Variants in ADGRV1 observed in about 807,000 individuals in gnomAD.
ADGRV1 encodes the protein G-protein coupled receptor 98.
Under a neutral mutation model 596.2 loss-of-function variants are expected in ADGRV1, and 359 were observed. That is an observed-to-expected ratio of 0.60 (90% CI 0.55 to 0.66). The LOEUF (loss-of-function observed/expected upper bound fraction) is 0.66. Ranked by LOEUF, ADGRV1 falls within the 30% of genes least tolerant of loss-of-function variation. The pLI, the probability that ADGRV1 is intolerant of heterozygous loss-of-function variation, is 0.00. For missense variants in ADGRV1, 7,274 were observed against 7,575.6 expected, an observed-to-expected ratio of 0.96 and a Z score of 1.48; for synonymous variants, 2,681 against 2,679.2, an observed-to-expected ratio of 1.00 and a Z score of -0.02.
intron 34 of ADGRV1, among the ~76,000 whole-genome samples, chr5:90,701,726 T>A (rs1304030257): frequency 6.6e-6 from 1 of 151,956 alleles, no homozygotes; most frequent in African/African-American, 2.4e-5. Context: ...ACTTTTAGTG[T>A]TTTTACATGT....
intron 35 of ADGRV1, 78 bp from the exon 36 acceptor site, chr5:90,704,311 A>G: frequency 1.2e-6 from 1 of 858,286 alleles, no homozygotes; most frequent in Non-Finnish European, 1.8e-6. Context: ...CACAATTTAT[A>G]AGGTGAATAA....
At chr5:90,606,037 T>C (rs779901710) in intron 1 of ADGRV1, among the ~76,000 whole-genome samples, 2 of 152,222 alleles carry the variant, frequency 1.3e-5, no homozygotes, top group Non-Finnish European at 2.9e-5. Context: ...TAAACAATTG[T>C]TGATTTAACT....
chr5:90,623,445 T>C (rs1418900220), intron 5 of ADGRV1, among the ~76,000 whole-genome samples: 2 of 152,180 alleles, frequency 1.3e-5, no homozygotes, highest in African/African-American at 4.8e-5. Context: ...AGGATCTTAC[T>C]CTGATGCCCA....
rs5869522 is a variant in ADGRV1, at chr5:90,813,132, C to CAAAAAAAAAAAAAAAAAAAAAAAAAA, written c.16078+1801_16078+1826dup. Among the ~76,000 whole-genome samples the CAAAAAAAAAAAAAAAAAAAAAAAAAA allele has an allele frequency of 5.7e-5, 2 of 34,914 alleles. 1 individual carries two copies. The highest frequency in any genetic ancestry group is 1.1e-4 in the Non-Finnish European group (2 of 18,386). The allele number at this position is 34,914 out of a possible 152,430, so 22.9% of individuals were successfully genotyped here. A position where few individuals can be genotyped will look rare whatever the true frequency, so the allele number is the denominator to read the frequency against. ...TGGGCGACAGAGTAAGACTCCGTCT[C>CAAAAAAAAAAAAAAAAAAAAAAAAAA]AAAAAAAAAAAAAAAAAAAAAAAAA... On this transcript the variant is annotated intron_variant, in intron 74 of 89. Coordinates refer to ENST00000405460, the MANE Select transcript of ADGRV1 (RefSeq NM_032119.4).
At chr5:90,766,314 C>G (rs1015224244) in intron 59 of ADGRV1, among the ~76,000 whole-genome samples, 22 of 152,078 alleles carry the variant, frequency 1.4e-4, no homozygotes, top group African/African-American at 5.3e-4. Flanking sequence ...ATCAACCACG[C>G]TGGATGTCTG....
In ADGRV1 at chr5:90,778,879, C is replaced by A. The variant is rs1250166374; in HGVS notation, c.12864C>A (p.Ile4288=). ...ATTTTGCATAGGTTAACATCACAAT[C>A]ATCCGTTCCAGTGGAGATTTTGGCC... ...VSEAQRVNIT[I]IRSSGDFGHV... is the part of the protein sequence containing the mutation. The change falls in exon 64 of 90, where the codon ATC becomes ATA. Residue 4288 remains isoleucine, a synonymous_variant. Coordinates refer to ENST00000405460, the MANE Select transcript of ADGRV1 (RefSeq NM_032119.4). 1 of 1,611,598 alleles carries A rather than the reference C, an allele frequency of 6.2e-7. No homozygotes were observed. The highest frequency in any genetic ancestry group is 1.3e-5 in the African/African-American group (1 of 74,846).
At chr5:91,064,146 T>C (rs1787684986) in intron 85 of ADGRV1, among the ~76,000 whole-genome samples, 1 of 152,074 alleles carries the variant, frequency 6.6e-6, no homozygotes, top group Non-Finnish European at 1.5e-5. Context: ...TAAGAACCAG[T>C]TAAATCAATA....
Position 91,164,177 on chromosome 5 carries a change from T to C in ADGRV1, c.*277T>C. 2.2e-6 allele frequency: 1 copy of C among 454,114 alleles called. No individual in the cohort carries two copies. 28.1% of individuals were successfully genotyped at this position (454,114 alleles called of 1,614,324 possible). A position where few individuals can be genotyped will look rare whatever the true frequency, so the allele number is the denominator to read the frequency against. On this transcript the variant is annotated 3_prime_UTR_variant, in exon 90 of 90. Coordinates refer to ENST00000405460, the MANE Select transcript of ADGRV1 (RefSeq NM_032119.4). ...TTTAATCATCCTATATGGCTAACAT[T>C]GTTTAATGAAAGTAATAATCAATAA...
At chr5:90,979,430 A>G (rs967525598) in intron 84 of ADGRV1, among the ~76,000 whole-genome samples, 1 of 152,156 alleles carries the variant, frequency 6.6e-6, no homozygotes, top group African/African-American at 2.4e-5. Flanking sequence ...TTGGCCTCCC[A>G]AAGTACTGGG....
chr5:90,605,340 G>A (rs576216965), intron 1 of ADGRV1, among the ~76,000 whole-genome samples: 4 of 151,548 alleles, frequency 2.6e-5, no homozygotes, highest in Admixed American at 6.6e-5. Flanking sequence ...GCTTGAACCC[G>A]GGAGGTGGAG....
intron 2 of ADGRV1, among the ~76,000 whole-genome samples, chr5:90,616,229 A>C (rs1278483367): frequency 6.6e-6 from 1 of 152,108 alleles, no homozygotes; most frequent in Non-Finnish European, 1.5e-5. Context: ...GTACTAAATC[A>C]AATATTTTTT....
chr5:91,102,550 G>A (rs531026439), intron 87 of ADGRV1, among the ~76,000 whole-genome samples: 4 of 152,234 alleles, frequency 2.6e-5, no homozygotes, highest in East Asian at 1.9e-4. Flanking sequence ...TATACAATTA[G>A]GGAAGACAAA....
intron 77 of ADGRV1, among the ~76,000 whole-genome samples, chr5:90,834,739 C>G (rs1294288929): frequency 2.0e-5 from 3 of 151,836 alleles, no homozygotes; most frequent in Admixed American, 1.3e-4. Flanking sequence ...CTTTCTCCTT[C>G]TATCTCTCTC....
chr5:90,968,743 T>C (rs1778693814), intron 84 of ADGRV1, among the ~76,000 whole-genome samples: 1 of 152,208 alleles, frequency 6.6e-6, no homozygotes, highest in South Asian at 2.1e-4. Context: ...AAAAACATTA[T>C]GTAGAAGGTT....
rs1172654023 is a variant in ADGRV1 at position 90,790,869 on chromosome 5, T to G, written c.14044-4T>G. 2 of 1,574,762 alleles carry G rather than the reference T, an allele frequency of 1.3e-6. No individual in the cohort carries two copies. Among genetic ancestry groups the G allele is most frequent in the East Asian group, 2.2e-5 (1 of 44,590 alleles). On this transcript the variant is annotated splice_polypyrimidine_tract_variant and splice_region_variant and intron_variant, in intron 69 of 89. Transcript: ENST00000405460. ...CTTTGTTGAGTTTTTTTCTTTTATT[T>G]TAGGTTTACTGGGAATTAAGTAGTG...
intron 82 of ADGRV1, among the ~76,000 whole-genome samples, chr5:90,859,060 A>G (rs1307063942): frequency 2.0e-5 from 3 of 152,196 alleles, no homozygotes; most frequent in Non-Finnish European, 4.4e-5. Context: ...GCACTGAAAG[A>G]GCAGCAAGGA....
In ADGRV1 at chr5:90,774,224, A is replaced by G; in HGVS notation, c.12324A>G (p.Gln4108=). ...SQKTIVLHTL[Q]DTVLEEDRRF... is the part of the protein sequence containing the mutation. ...AGACCATTGTGTTGCACACACTTCA[A>G]GACACAGTGTTGGAGGAGGACAGGC... Residue 4108 remains glutamine (Q), a synonymous_variant, in exon 60 of 90, where the codon CAA becomes CAG. Coordinates refer to ENST00000405460, the MANE Select transcript of ADGRV1 (RefSeq NM_032119.4). The G allele has an allele frequency of 6.2e-7, 1 of 1,611,210 alleles. No individual in the cohort carries two copies. Among genetic ancestry groups the G allele is most frequent in the Non-Finnish European group, 8.5e-7 (1 of 1,177,572 alleles).
At chr5:91,026,281 A>C (rs1784012374) in intron 85 of ADGRV1, among the ~76,000 whole-genome samples, 1 of 152,154 alleles carries the variant, frequency 6.6e-6, no homozygotes, top group Non-Finnish European at 1.5e-5. Context: ...GAAATATGAA[A>C]TATTTCATTT....
chr5:90,721,035 G>A lies in ADGRV1; in HGVS notation c.9724G>A (p.Val3242Ile). 6.2e-7 allele frequency: 1 copy of A among 1,612,064 alleles called. No homozygotes were observed. The highest frequency in any genetic ancestry group is 2.2e-5 in the East Asian group (1 of 44,750). Residue 3242 changes from valine to isoleucine, a missense_variant, in exon 45 of 90, where the codon GTA becomes ATA. Physicochemically the swap from Val to Ile is conservative, Grantham distance 29. Coordinates refer to ENST00000405460, the MANE Select transcript of ADGRV1 (RefSeq NM_032119.4). Reference protein sequence around the residue: ...DLAVSVQWETVSETAFGMRGM... With the variant: ...DLAVSVQWETISETAFGMRGM... ...GGCTGTGAGTGTGCAGTGGGAGACAGTATCTGAAACAGCCTTTGGCATGAG... is the reference window on the plus strand; with the variant it reads ...GGCTGTGAGTGTGCAGTGGGAGACAATATCTGAAACAGCCTTTGGCATGAG...
Sources: gnomAD v4.1 joint callset for allele counts (sites outside exome capture counted in the v4.1 genomes callset) on GRCh38, gnomAD v4.1.1 for gene constraint, MANE v1.5 for transcripts, NCBI Gene and HGNC (gene_info 2026-07-23, HGNC 2026-07-21) for gene names.